The following CLNK variants were observed in gnomAD, a reference collection of about 807,000 sequenced individuals.
The protein encoded by CLNK is cytokine-dependent hematopoietic cell linker.
In CLNK, 74 loss-of-function variants were observed where a neutral mutation model predicts 68.6. That is an observed-to-expected ratio of 1.08 (90% CI 0.89 to 1.31). The LOEUF is 1.31. CLNK is among the 50% of genes most tolerant of loss of function. The pLI, the probability that CLNK is intolerant of heterozygous loss-of-function variation, is 0.00. For missense variants in CLNK, 553 were observed against 515.3 expected (o/e 1.07, Z -0.71); for synonymous variants, 198 against 172.2 (o/e 1.15, Z -1.17).
chr4:10,670,744 C>T (rs1368763263), intron 1 of CLNK, among the ~76,000 whole-genome samples: 3 of 152,030 alleles, frequency 2.0e-5, no homozygotes, highest in Non-Finnish European at 4.4e-5. Context: ...TATTTGGTGA[C>T]AAAAATGGTT....
At chr4:10,627,474 C>G (rs958900075) in intron 2 of CLNK, among the ~76,000 whole-genome samples, 2 of 152,130 alleles carry the variant, frequency 1.3e-5, no homozygotes, top group African/African-American at 2.4e-5. Flanking sequence ...GCATTGGTTT[C>G]TACTTAGTAA....
At chr4:10,731,437 A>G in the CLNK span, among the ~76,000 whole-genome samples, 3 of 152,166 alleles carry the variant, frequency 2.0e-5, no homozygotes, top group Non-Finnish European at 4.4e-5. Context: ...TTTTAGCCAC[A>G]TCTTTTGTTC....
chr4:10,598,726 G>T, intron 2 of CLNK: 1 of 417,736 alleles, frequency 2.4e-6, no homozygotes, highest in Non-Finnish European at 4.8e-6. Context: ...TGCATTCCTA[G>T]TTCATTTAAT....
intron 14 of CLNK, chr4:10,523,989 C>T (rs1420589515): frequency 3.1e-6 from 1 of 326,352 alleles, no homozygotes; most frequent in Admixed American, 3.4e-5. Context: ...TGTGCCACTA[C>T]AAGACAGAAT....
At chr4:10,690,440 G>A in the CLNK span, among the ~76,000 whole-genome samples, 160 of 152,204 alleles carry the variant, frequency 1.1e-3, no homozygotes, top group African/African-American at 3.8e-3. Context: ...AAGCAGAAGT[G>A]GTATGTGAAT....
At chr4:10,705,683 G>A in the CLNK span, among the ~76,000 whole-genome samples, 1 of 152,192 alleles carries the variant, frequency 6.6e-6, no homozygotes, top group Admixed American at 6.5e-5. Flanking sequence ...GCTCAGACAA[G>A]CCAGGATAAT....
intron 2 of CLNK, among the ~76,000 whole-genome samples, chr4:10,659,278 T>C (rs1212891982): frequency 6.6e-6 from 1 of 152,240 alleles, no homozygotes; most frequent in Non-Finnish European, 1.5e-5. Context: ...CCTGATTCAA[T>C]TGGCTACAGC....
chr4:10,502,834 A>T (rs1379465136), intron 17 of CLNK, among the ~76,000 whole-genome samples: 1 of 152,036 alleles, frequency 6.6e-6, no homozygotes, highest in East Asian at 1.9e-4. Flanking sequence ...AAAGGCCCGG[A>T]GATGCCTGAA....
chr4:10,506,882 C>T (rs1408725514), intron 17 of CLNK, among the ~76,000 whole-genome samples: 1 of 152,038 alleles, frequency 6.6e-6, no homozygotes, highest in Non-Finnish European at 1.5e-5. Context: ...TCACTGCAAG[C>T]TCTGCCTCCC....
intron 1 of CLNK, among the ~76,000 whole-genome samples, chr4:10,679,185 A>T: frequency 6.6e-6 from 1 of 152,214 alleles, no homozygotes; most frequent in Non-Finnish European, 1.5e-5. Flanking sequence ...CCAATGGAAC[A>T]GAACAGAGCC....
At chr4:10,651,995 A>T (rs115065139) in intron 2 of CLNK, among the ~76,000 whole-genome samples, 6,291 of 152,118 alleles carry the variant, frequency 0.041, 191 homozygotes, top group Middle Eastern at 0.092. Flanking sequence ...AAAAAGAAAC[A>T]AAAAGGGGGG....
intron 2 of CLNK, among the ~76,000 whole-genome samples, chr4:10,615,922 G>C (rs906528939): frequency 2.6e-5 from 4 of 152,204 alleles, no homozygotes; most frequent in Non-Finnish European, 4.4e-5. Context: ...GGAATATTGA[G>C]TTATCAGTGG....
chr4:10,670,866 A>G (rs1455441069), intron 1 of CLNK, among the ~76,000 whole-genome samples: 1 of 152,222 alleles, frequency 6.6e-6, no homozygotes. Flanking sequence ...CACCTAGGAT[A>G]GCAGGGATGG....
At chr4:10,730,193 C>A in the CLNK span, among the ~76,000 whole-genome samples, 1 of 152,166 alleles carries the variant, frequency 6.6e-6, no homozygotes, top group African/African-American at 2.4e-5. Context: ...CCATCTGCGG[C>A]CACCCTGGCT....
chr4:10,717,078 T>G, the CLNK span, among the ~76,000 whole-genome samples: 1 of 151,998 alleles, frequency 6.6e-6, no homozygotes. Flanking sequence ...GAAACCTAGA[T>G]GGTCACTTTG....
At chr4:10,702,384 G>A in the CLNK span, among the ~76,000 whole-genome samples, 1 of 151,996 alleles carries the variant, frequency 6.6e-6, no homozygotes, top group Non-Finnish European at 1.5e-5. Flanking sequence ...AGTTTAGATG[G>A]GCTGAAGGAA....
At chr4:10,700,768 T>A in the CLNK span, among the ~76,000 whole-genome samples, 1 of 152,156 alleles carries the variant, frequency 6.6e-6, no homozygotes, top group African/African-American at 2.4e-5. Flanking sequence ...AATCCCTATG[T>A]CTTTCATACA....
At chr4:10,536,925 T>C (rs949750978) in intron 11 of CLNK, among the ~76,000 whole-genome samples, 2 of 151,838 alleles carry the variant, frequency 1.3e-5, no homozygotes, top group African/African-American at 2.4e-5. Flanking sequence ...TGAGTGAGCA[T>C]TATGTTAGAC....
the CLNK span, among the ~76,000 whole-genome samples, chr4:10,724,057 C>A: frequency 2.6e-5 from 4 of 152,032 alleles, no homozygotes; most frequent in Non-Finnish European, 5.9e-5. Flanking sequence ...TATTTCAGAC[C>A]AAGAGTCGAC....
Sources: gnomAD v4.1 joint callset for allele counts (sites outside exome capture counted in the v4.1 genomes callset) on GRCh38, gnomAD v4.1.1 for gene constraint, MANE v1.5 for transcripts, NCBI Gene and HGNC (gene_info 2026-07-23, HGNC 2026-07-21) for gene names.